FUT8: variants seen among roughly 807,000 people sequenced by gnomAD.
FUT8 encodes the protein fucosyltransferase 8.
In FUT8, 29 loss-of-function variants were observed where a neutral mutation model predicts 71.3. The observed-to-expected ratio is 0.41, with a 90% CI of 0.30 to 0.55. The LOEUF (loss-of-function observed/expected upper bound fraction) is 0.55, where lower values mean the gene tolerates loss of function less well. Among genes scored for constraint, FUT8 ranks in the 20% least tolerant of loss-of-function variants. The pLI, the probability that FUT8 is intolerant of heterozygous loss-of-function variation, is 0.34. For missense variants in FUT8, 544 were observed against 702.1 expected (o/e 0.77, Z 2.55); for synonymous variants, 254 against 239.3 (o/e 1.06, Z -0.57).
chr14:65,708,938 A>G (rs571157610), intron 7 of FUT8, among the ~76,000 whole-genome samples: 5 of 152,296 alleles, frequency 3.3e-5, no homozygotes, highest in African/African-American at 1.2e-4. Flanking sequence ...GGTCTGTGGT[A>G]CTGCATGGTG....
intron 5 of FUT8, chr14:65,617,230 TATA>T (rs758874517): frequency 2.1e-5 from 31 of 1,477,334 alleles, no homozygotes; most frequent in Non-Finnish European, 2.5e-5. Context: ...GCAGCAATAT[TATA>T]ATGATTTTGA....
intron 2 of FUT8, among the ~76,000 whole-genome samples, chr14:65,495,241 C>G (rs759322602): frequency 6.7e-6 from 1 of 148,392 alleles, no homozygotes; most frequent in African/African-American, 2.5e-5. Flanking sequence ...TATAGCAAAT[C>G]TTTTCTAACT....
intron 2 of FUT8, among the ~76,000 whole-genome samples, chr14:65,521,868 CTT>C (rs71126758): frequency 1.1e-3 from 154 of 144,090 alleles, no homozygotes; most frequent in Non-Finnish European, 1.3e-3. Context: ...GAATCTTCTT[CTT>C]TTTTTTTTTT....
intron 1 of FUT8, among the ~76,000 whole-genome samples, chr14:65,438,146 T>C (rs1016995209): frequency 1.3e-5 from 2 of 152,234 alleles, no homozygotes; most frequent in Non-Finnish European, 2.9e-5. Flanking sequence ...CAAGTAAGAA[T>C]ATATCAAGAA....
intron 7 of FUT8, among the ~76,000 whole-genome samples, chr14:65,721,523 T>TG (rs1405445151): frequency 6.6e-6 from 1 of 152,226 alleles, no homozygotes; most frequent in Non-Finnish European, 1.5e-5. Flanking sequence ...GGTGTTGGTA[T>TG]GATAGCATGT....
chr14:65,507,566 T>G (rs1032398246), intron 2 of FUT8, among the ~76,000 whole-genome samples: 3 of 152,264 alleles, frequency 2.0e-5, no homozygotes, highest in Non-Finnish European at 4.4e-5. Flanking sequence ...CTTGTCATTC[T>G]TTGCCTGGCT....
chr14:65,682,594 A>T (rs549651386), intron 7 of FUT8, among the ~76,000 whole-genome samples: 1 of 152,320 alleles, frequency 6.6e-6, no homozygotes, highest in Admixed American at 6.5e-5. Context: ...CTGGTTTTGA[A>T]AAAGTTGTAA....
chr14:65,378,455 T>C, the FUT8 span, among the ~76,000 whole-genome samples: 1 of 152,160 alleles, frequency 6.6e-6, no homozygotes, highest in African/African-American at 2.4e-5. Context: ...GTTTTGTATC[T>C]ACCTGCCCAG....
chr14:65,569,068 C>T (rs1308242096), intron 3 of FUT8, among the ~76,000 whole-genome samples: 1 of 151,408 alleles, frequency 6.6e-6, no homozygotes, highest in East Asian at 1.9e-4. Flanking sequence ...TCATTGATTC[C>T]TGCCTTTCAT....
intron 7 of FUT8, among the ~76,000 whole-genome samples, chr14:65,689,243 C>T (rs1192092821): frequency 7.0e-4 from 106 of 152,310 alleles, no homozygotes; most frequent in Non-Finnish European, 1.0e-4. Context: ...TTGCAATTCA[C>T]TAGTGCCATA....
At chr14:65,513,414 C>T (rs1256380074) in intron 2 of FUT8, among the ~76,000 whole-genome samples, 1 of 152,194 alleles carries the variant, frequency 6.6e-6, no homozygotes, top group African/African-American at 2.4e-5. Flanking sequence ...TGCCTGGGAG[C>T]TTTCCTCTAA....
chr14:65,400,263 T>C, the FUT8 span, among the ~76,000 whole-genome samples: 1 of 152,354 alleles, frequency 6.6e-6, no homozygotes, highest in Middle Eastern at 3.4e-3. Context: ...CATTAATCTT[T>C]AGTTACTTTT....
chr14:65,652,266 TC>T lies in FUT8; in HGVS notation c.598-16975del, dbSNP rs1891445377. Among the ~76,000 whole-genome samples the T allele has an allele frequency of 6.6e-6, 1 of 152,210 alleles. No homozygotes were observed. Among genetic ancestry groups the T allele is most frequent in the South Asian group, 2.1e-4 (1 of 4,834 alleles). ...AGCTGGAAAGGCCAGATACTCGCTT[TC>T]CTAGCACCCTCCCTGTTTTGTATGC... On this transcript the variant is annotated intron_variant, in intron 6 of 10. Coordinates refer to ENST00000673929, the MANE Select transcript of FUT8 (RefSeq NM_001371533.1). The surrounding 1 kb of genome is among the most constrained non-coding windows in gnomAD (Gnocchi z 4.0).
At chr14:65,482,922 A>G (rs1004805532) in intron 2 of FUT8, among the ~76,000 whole-genome samples, 1 of 152,144 alleles carries the variant, frequency 6.6e-6, no homozygotes, top group Admixed American at 6.5e-5. Flanking sequence ...GTGTCAACCC[A>G]CATTGGCTTT....
chr14:65,580,830 C>T (rs1052131944), intron 3 of FUT8, among the ~76,000 whole-genome samples: 3 of 152,032 alleles, frequency 2.0e-5, no homozygotes, highest in Non-Finnish European at 2.9e-5. Context: ...TCCTTCTGTT[C>T]AGGCATCAGA....
intron 2 of FUT8, among the ~76,000 whole-genome samples, chr14:65,495,504 A>T (rs1255163822): frequency 6.6e-6 from 1 of 152,108 alleles, no homozygotes; most frequent in Non-Finnish European, 1.5e-5. Context: ...GGTATGGTCC[A>T]TTTGTATATT....
intron 1 of FUT8, among the ~76,000 whole-genome samples, chr14:65,435,605 T>C (rs2065543514): frequency 6.6e-6 from 1 of 151,810 alleles, no homozygotes; most frequent in Non-Finnish European, 1.5e-5. Context: ...TAAGTTTTCA[T>C]TTCACTTGGG....
rs143783791 is a variant in FUT8, at chr14:65,603,242, C to G, written c.204-12736C>G. Among the ~76,000 whole-genome samples the G allele has an allele frequency of 3.0e-3, 449 of 151,952 alleles. 8 individuals carry two copies. The highest frequency in any genetic ancestry group is 9.9e-3 in the African/African-American group (410 of 41,486). On this transcript the variant is annotated intron_variant, in intron 3 of 10. Transcript: ENST00000673929. The surrounding 1 kb of genome is among the most constrained non-coding windows in gnomAD (Gnocchi z 4.5). ...ATTTGTTGCATAGGATGTCCTTTCC[C>G]CACTTTATGTTTTTGTTTGCTTTGT...
chr14:65,492,568 C>T (rs942054688), intron 2 of FUT8, among the ~76,000 whole-genome samples: 9 of 152,104 alleles, frequency 5.9e-5, no homozygotes, highest in Admixed American at 1.3e-4. Context: ...GGAGTCTCAG[C>T]GCCTACTCTG....
Sources: allele counts gnomAD v4.1 joint callset (sites outside exome capture counted in the v4.1 genomes callset), GRCh38; gene constraint gnomAD v4.1.1; non-coding constraint Gnocchi (gnomAD v3.1); transcripts MANE v1.5; gene names NCBI Gene and HGNC (gene_info 2026-07-23, HGNC 2026-07-21).